Variants in MYCBP2 observed in about 807,000 individuals in gnomAD.
MYCBP2 encodes the protein E3 ubiquitin-protein ligase MYCBP2.
A neutral mutation model predicts 525.3 loss-of-function variants in MYCBP2; 120 were observed. The observed-to-expected ratio is 0.23, with a 90% CI of 0.20 to 0.27. The LOEUF (loss-of-function observed/expected upper bound fraction) is 0.27. Ranked by LOEUF, MYCBP2 falls within the 10% of genes least tolerant of loss-of-function variation. MYCBP2 has a pLI of 1.00. For synonymous variants in MYCBP2, 1,894 were observed against 1,955.8 expected (o/e 0.97, Z 0.83); for missense variants, 4,149 against 5,657.1 (o/e 0.73, Z 8.55).
chr13:77,161,143 T>C (rs2057866907), intron 44 of MYCBP2, among the ~76,000 whole-genome samples: 1 of 152,204 alleles, frequency 6.6e-6, no homozygotes, highest in African/African-American at 2.4e-5. Flanking sequence ...TTGGCCTAAG[T>C]AGGTATTACA....
At chr13:77,095,187 C>T (rs2046053293) in intron 58 of MYCBP2, among the ~76,000 whole-genome samples, 171 bp downstream of exon 58, 1 of 151,938 alleles carries the variant, frequency 6.6e-6, no homozygotes, top group Admixed American at 6.6e-5. Flanking sequence ...TACCTATTAC[C>T]ATAAAGTCAT....
chr13:77,162,942 T>C (rs1336902711), intron 43 of MYCBP2, among the ~76,000 whole-genome samples: 1 of 152,164 alleles, frequency 6.6e-6, no homozygotes, highest in Non-Finnish European at 1.5e-5. Flanking sequence ...GGCATGATCA[T>C]ACTTTTTTGT....
At chr13:77,294,115 T>TATAC (rs1555465635) in intron 2 of MYCBP2, among the ~76,000 whole-genome samples, 1 of 53,798 alleles carries the variant, frequency 1.9e-5, no homozygotes, top group East Asian at 5.5e-4. Context: ...TATATATATA[T>TATAC]ATATATATAT....
intron 26 of MYCBP2, among the ~76,000 whole-genome samples, chr13:77,199,165 A>T (rs1196869857): frequency 6.6e-6 from 1 of 152,278 alleles, no homozygotes; most frequent in Non-Finnish European, 1.5e-5. Flanking sequence ...AGACAGTGGG[A>T]GCAGGACAGT....
At chr13:77,301,303 C>G (rs1355356612) in intron 1 of MYCBP2, among the ~76,000 whole-genome samples, 1 of 151,208 alleles carries the variant, frequency 6.6e-6, no homozygotes, top group Non-Finnish European at 1.5e-5. Flanking sequence ...GCAATCCCAG[C>G]AACTAGGGAG....
chr13:77,142,376 G>A (rs1045283698), intron 49 of MYCBP2, among the ~76,000 whole-genome samples: 1 of 152,196 alleles, frequency 6.6e-6, no homozygotes, highest in African/African-American at 2.4e-5. Context: ...AAATAAAGAA[G>A]AGTGCAGCAA....
intron 18 of MYCBP2, among the ~76,000 whole-genome samples, chr13:77,226,474 C>T (rs1472145573): frequency 6.6e-6 from 1 of 152,104 alleles, no homozygotes; most frequent in Non-Finnish European, 1.5e-5. Flanking sequence ...ATTCAAATTC[C>T]TTGTACACAG....
At chr13:77,252,596 T>C (rs1594357610) in intron 14 of MYCBP2, among the ~76,000 whole-genome samples, 1 of 152,152 alleles carries the variant, frequency 6.6e-6, no homozygotes, top group South Asian at 2.1e-4. Flanking sequence ...GCTCATAATA[T>C]CTCTTATTCT....
intron 18 of MYCBP2, among the ~76,000 whole-genome samples, chr13:77,226,442 A>G (rs1224275982): frequency 6.6e-6 from 1 of 152,226 alleles, no homozygotes; most frequent in Non-Finnish European, 1.5e-5. Flanking sequence ...CATCACTAAC[A>G]TATGACCTTT....
chr13:77,299,982 T>G (rs1379443145), intron 1 of MYCBP2, among the ~76,000 whole-genome samples: 1 of 152,192 alleles, frequency 6.6e-6, no homozygotes, highest in African/African-American at 2.4e-5. Context: ...TTTTGCAAAT[T>G]ATTCAGTGAT....
At chr13:77,216,809 G>A (rs944253155) in intron 21 of MYCBP2, among the ~76,000 whole-genome samples, 2 of 151,974 alleles carry the variant, frequency 1.3e-5, no homozygotes, top group Non-Finnish European at 2.9e-5. Flanking sequence ...GATTGGAGGG[G>A]AAAGAAATGC....
At position 77,126,426 on chromosome 13, in the gene MYCBP2, C is replaced by T. The variant is rs748049098; in HGVS notation, c.7776G>A (p.Lys2592=). The T allele has an allele frequency of 1.2e-6, 2 of 1,613,970 alleles. No homozygotes were observed. Among genetic ancestry groups the T allele is most frequent in the South Asian group, 1.1e-5 (1 of 91,074 alleles). Residue 2592 remains lysine, a synonymous_variant, in exon 53 of 83, where the codon AAG becomes AAA. Coordinates refer to ENST00000544440, the MANE Select transcript of MYCBP2 (RefSeq NM_015057.5). ...PFLRGGPGMY[K]VVKTGPSGHN... The stretch of plus-strand genomic sequence containing the variant: ...GACCTGAAGGTCCCGTCTTCACTAC[C>T]TTGTACATGCCTGGCCCTCCTCGCA...
In MYCBP2 at chr13:77,212,107, T is replaced by C. The variant is rs779451940; in HGVS notation, c.3111A>G (p.Pro1037=). 9 of 1,614,018 alleles carry C rather than the reference T, an allele frequency of 5.6e-6. No individual in the cohort carries two copies. The highest frequency in any genetic ancestry group is 1.6e-4 in the Middle Eastern group (1 of 6,080). Reference sequence around the variant, plus strand: ...TTGATCCAATGTTAGGCATGGGAGCTGGCTTTGCATTCCAATATGGCACAT... The same window carrying C: ...TTGATCCAATGTTAGGCATGGGAGCCGGCTTTGCATTCCAATATGGCACAT... The part of the protein sequence containing the change: ...ILDVPYWNAK[P]APMPNIGSKY... Residue 1037 remains proline, a synonymous_variant, in exon 22 of 83, where the codon CCA becomes CCG. Coordinates refer to ENST00000544440, the MANE Select transcript of MYCBP2 (RefSeq NM_015057.5).
intron 34 of MYCBP2, among the ~76,000 whole-genome samples, chr13:77,178,224 G>C (rs2059897925): frequency 6.6e-6 from 1 of 152,148 alleles, no homozygotes; most frequent in Admixed American, 6.5e-5. Context: ...GTACAAGCTT[G>C]TCTTATCAGT....
chr13:77,272,083 T>C (rs146366893), intron 5 of MYCBP2, among the ~76,000 whole-genome samples: 2 of 152,316 alleles, frequency 1.3e-5, no homozygotes, highest in East Asian at 1.9e-4. Context: ...AGCATAAATA[T>C]TGGAGACAGA....
intron 35 of MYCBP2, among the ~76,000 whole-genome samples, chr13:77,177,430 C>T (rs1326596691): frequency 6.6e-6 from 1 of 150,982 alleles, no homozygotes; most frequent in Non-Finnish European, 1.5e-5. Flanking sequence ...CAGCCTCAAC[C>T]TCCCGGGCTC....
chr13:77,125,977 T>A (rs1165824811), intron 53 of MYCBP2, among the ~76,000 whole-genome samples: 1 of 152,206 alleles, frequency 6.6e-6, no homozygotes, highest in Non-Finnish European at 1.5e-5. Context: ...ATGAAACCTT[T>A]TGCATATGAC....
chr13:77,258,114 T>G (rs2072564141), intron 13 of MYCBP2, among the ~76,000 whole-genome samples: 1 of 152,202 alleles, frequency 6.6e-6, no homozygotes. Context: ...TGGTAATACC[T>G]CTCCACAGTA....
At chr13:77,242,802 A>G (rs975867128) in intron 17 of MYCBP2, among the ~76,000 whole-genome samples, 12 of 152,228 alleles carry the variant, frequency 7.9e-5, no homozygotes, top group Admixed American at 6.5e-4. Flanking sequence ...AGTTCTTAAT[A>G]TGGCTGACTT....
Sources: allele counts gnomAD v4.1 joint callset (sites outside exome capture counted in the v4.1 genomes callset), GRCh38; gene constraint gnomAD v4.1.1; transcripts MANE v1.5; gene names NCBI Gene and HGNC (gene_info 2026-07-23, HGNC 2026-07-21).